SCHIP1: variants seen among roughly 807,000 people sequenced by gnomAD.
SCHIP1 encodes schwannomin-interacting protein 1.
Under a neutral mutation model 29.7 loss-of-function variants are expected in SCHIP1, and 8 were observed. The observed-to-expected ratio is 0.27, with a 90% CI of 0.16 to 0.49. SCHIP1 has a LOEUF of 0.49. Ranked by LOEUF, SCHIP1 falls within the 20% of genes least tolerant of loss-of-function variation. The probability of loss-of-function intolerance (pLI) is 0.99; values close to 1 mark genes in which losing one functional copy is unlikely to be tolerated. For synonymous variants in SCHIP1, 76 were observed against 94.9 expected, an observed-to-expected ratio of 0.80 and a Z score of 1.16; for missense variants, 193 against 294.6, an observed-to-expected ratio of 0.66 and a Z score of 2.52.
At chr3:159,873,191 C>T (rs901714647) in intron 2 of SCHIP1, among the ~76,000 whole-genome samples, 1 of 152,152 alleles carries the variant, frequency 6.6e-6, no homozygotes, top group Non-Finnish European at 1.5e-5. Flanking sequence ...GCTCAATGCC[C>T]AATTTTAAAT....
the SCHIP1 span, among the ~76,000 whole-genome samples, chr3:159,418,073 G>A: frequency 6.6e-6 from 1 of 152,188 alleles, no homozygotes; most frequent in African/African-American, 2.4e-5. Flanking sequence ...ACTGAGGTTG[G>A]TAGTTATTTG....
chr3:159,407,917 A>G, the SCHIP1 span, among the ~76,000 whole-genome samples: 1 of 152,212 alleles, frequency 6.6e-6, no homozygotes, highest in Non-Finnish European at 1.5e-5. Context: ...TTGAGTGCCT[A>G]CATCAAAGAA....
the SCHIP1 span, among the ~76,000 whole-genome samples, chr3:159,792,785 G>GTTGA: frequency 6.6e-6 from 1 of 152,158 alleles, no homozygotes; most frequent in Non-Finnish European, 1.5e-5. Context: ...TTACTTACAA[G>GTTGA]TTGATAGTTT....
the SCHIP1 span, among the ~76,000 whole-genome samples, chr3:159,735,284 C>A: frequency 6.7e-6 from 1 of 149,980 alleles, no homozygotes; most frequent in Non-Finnish European, 1.5e-5. Flanking sequence ...GGCTGGAGTG[C>A]AGTGGTGTTA....
At chr3:159,889,987 C>T (rs551066741) in intron 5 of SCHIP1, among the ~76,000 whole-genome samples, 3 of 151,520 alleles carry the variant, frequency 2.0e-5, no homozygotes, top group African/African-American at 4.9e-5. Context: ...TCCAGCTACT[C>T]GGGAGGCTGA....
At chr3:159,654,694 C>T in the SCHIP1 span, among the ~76,000 whole-genome samples, 2 of 151,082 alleles carry the variant, frequency 1.3e-5, no homozygotes, top group Non-Finnish European at 2.9e-5. Context: ...TCAGTAGGGG[C>T]CCATGGGGAA....
At chr3:159,291,138 C>A in the SCHIP1 span, among the ~76,000 whole-genome samples, 1 of 151,866 alleles carries the variant, frequency 6.6e-6, no homozygotes, top group Non-Finnish European at 1.5e-5. Flanking sequence ...AGGAAGGTTC[C>A]AAAGACCAAT....
At chr3:159,318,173 T>C in the SCHIP1 span, among the ~76,000 whole-genome samples, 1 of 151,936 alleles carries the variant, frequency 6.6e-6, no homozygotes, top group African/African-American at 2.4e-5. Context: ...GTCCACAGAA[T>C]GGGTCATCCT....
chr3:159,568,449 C>G, the SCHIP1 span, among the ~76,000 whole-genome samples: 2 of 151,998 alleles, frequency 1.3e-5, no homozygotes, highest in African/African-American at 4.8e-5. Context: ...TAATAAAATT[C>G]TTTCTATTCC....
the SCHIP1 span, among the ~76,000 whole-genome samples, chr3:159,669,067 T>C: frequency 6.6e-6 from 1 of 152,276 alleles, no homozygotes; most frequent in African/African-American, 2.4e-5. Flanking sequence ...ATGGGGTGTT[T>C]AGGAGCAAGC....
chr3:159,554,026 ATG>A, the SCHIP1 span, among the ~76,000 whole-genome samples: 42,115 of 113,822 alleles, frequency 0.37, 7,142 homozygotes, highest in African/African-American at 0.55. Context: ...GTGTTTGTGT[ATG>A]TGTGTGTGTG....
chr3:159,855,279 C>T (rs1194823274), intron 1 of SCHIP1, among the ~76,000 whole-genome samples: 1 of 152,176 alleles, frequency 6.6e-6, no homozygotes, highest in Non-Finnish European at 1.5e-5. Flanking sequence ...TTTAAACCCA[C>T]TCTTTGTAAT....
At chr3:159,293,861 T>G in the SCHIP1 span, among the ~76,000 whole-genome samples, 3 of 152,124 alleles carry the variant, frequency 2.0e-5, no homozygotes, top group African/African-American at 7.2e-5. Flanking sequence ...TTCAGATAAT[T>G]TTTTTCTTTA....
At chr3:159,891,952 T>A (rs914314268) in intron 5 of SCHIP1, 145 bp from the exon 7 acceptor site, 1 of 864,536 alleles carries the variant, frequency 1.2e-6, no homozygotes, top group African/African-American at 1.7e-5. Flanking sequence ...TAGACACGTT[T>A]CTGCAACATA....
intron 1 of SCHIP1, among the ~76,000 whole-genome samples, chr3:159,857,455 A>C (rs960706061): frequency 4.6e-5 from 7 of 152,122 alleles, no homozygotes; most frequent in Admixed American, 3.9e-4. Context: ...GATATAATTC[A>C]CATACATAAA....
At chr3:159,870,565 T>C (rs557793609) in intron 2 of SCHIP1, among the ~76,000 whole-genome samples, 123 of 151,950 alleles carry the variant, frequency 8.1e-4, no homozygotes, top group African/African-American at 2.7e-3. Context: ...CATGCTAGCA[T>C]ACCCAGTCTA....
At chr3:159,336,184 T>C in the SCHIP1 span, among the ~76,000 whole-genome samples, 1 of 152,218 alleles carries the variant, frequency 6.6e-6, no homozygotes, top group Non-Finnish European at 1.5e-5. Context: ...CACTTTTTGA[T>C]GGAGTTGTTT....
At chr3:159,804,732 TG>T in the SCHIP1 span, among the ~76,000 whole-genome samples, 1 of 152,228 alleles carries the variant, frequency 6.6e-6, no homozygotes, top group African/African-American at 2.4e-5. Flanking sequence ...GTGATGAGAT[TG>T]GTTGGCTCCT....
the SCHIP1 span, among the ~76,000 whole-genome samples, chr3:159,532,762 C>T: frequency 6.6e-6 from 1 of 152,130 alleles, no homozygotes; most frequent in East Asian, 1.9e-4. Flanking sequence ...GTGGTCTGAA[C>T]AGGATACCAG....
Sources: gnomAD v4.1 joint callset for allele counts (sites outside exome capture counted in the v4.1 genomes callset) on GRCh38, gnomAD v4.1.1 for gene constraint, MANE v1.5 for transcripts, NCBI Gene and HGNC (gene_info 2026-07-23, HGNC 2026-07-21) for gene names.